Variants in MALAT1 observed in about 807,000 individuals in gnomAD.
MALAT1 encodes hepcarcin.
intron 1 of MALAT1, chr11:65,498,332 G>T (rs762904206): frequency 3.9e-6 from 2 of 517,848 alleles, no homozygotes; most frequent in South Asian, 1.4e-5. Flanking sequence ...CGTGCGGGCC[G>T]TGGGGGGCTG....
Position 65,500,827 on chromosome 11 carries a change from T to G in MALAT1, n.2090T>G, listed in dbSNP as rs1327737729. 4 of 518,838 alleles carry G rather than the reference T, an allele frequency of 7.7e-6. No individual in the cohort carries two copies. The East Asian group carries it at 2.2e-4, about 28-fold the overall frequency. 32.1% of individuals were successfully genotyped at this position (518,838 alleles called of 1,614,324 possible). ...GAACTTACTTATGGTAACCTTTTAT[T>G]TATTTTCTAATATAATGGGGGAGTT... is the stretch of plus-strand genomic sequence containing the variant. On this transcript the variant is annotated non_coding_transcript_exon_variant, in exon 3 of 4. Transcript: ENST00000619449.
At chr11:65,501,551 G>C (rs1457740644) in exon 3 of MALAT1, 2 of 518,698 alleles carry the variant, frequency 3.9e-6, no homozygotes, top group South Asian at 2.8e-5. Context: ...AGGGAAGAGA[G>C]AGGGTGGGGG....
At chr11:65,502,607 A>G in exon 3 of MALAT1, 1 of 477,866 alleles carries the variant, frequency 2.1e-6, no homozygotes. Flanking sequence ...TTTGTTGATG[A>G]GGGAGGGGAA....
exon 3 of MALAT1, chr11:65,499,835 T>A (rs1340571568): frequency 2.4e-6 from 1 of 420,518 alleles, no homozygotes; most frequent in South Asian, 1.8e-5. Flanking sequence ...ATGTACAAAC[T>A]TAGAAGAAAA....
At chr11:65,502,301 A>G (rs781393576) in exon 3 of MALAT1, 3 of 517,010 alleles carry the variant, frequency 5.8e-6, no homozygotes, top group Admixed American at 3.9e-5. Flanking sequence ...TGATTTAATA[A>G]TAATTTAAAA....
chr11:65,500,789 T>C (rs1223666441), exon 3 of MALAT1: 2 of 518,864 alleles, frequency 3.9e-6, no homozygotes, highest in East Asian at 5.4e-5. Context: ...GTCGGCAATA[T>C]GTTGTTTTTC....
exon 3 of MALAT1, chr11:65,498,985 G>C (rs767057594): frequency 5.8e-6 from 3 of 518,778 alleles, no homozygotes; most frequent in Non-Finnish European, 1.2e-5. Context: ...GAAGGTGATC[G>C]AATTCCGGTG....
At chr11:65,499,036 C>G (rs1400139248) in exon 3 of MALAT1, 2 of 518,558 alleles carry the variant, frequency 3.9e-6, no homozygotes, top group African/African-American at 1.9e-5. Context: ...CTCGCCCGAG[C>G]TGTGCGGTAG....
exon 3 of MALAT1, chr11:65,503,666 T>C (rs749457294): frequency 1.9e-6 from 1 of 514,270 alleles, no homozygotes; most frequent in Non-Finnish European, 3.9e-6. Context: ...TTAAATAAAA[T>C]AGTGTTTGTC....
chr11:65,504,960 C>T (rs781588128), intron 3 of MALAT1: 8 of 518,666 alleles, frequency 1.5e-5, no homozygotes, highest in African/African-American at 9.6e-5. Flanking sequence ...AGATGGTATT[C>T]TTCAGACTAT....
chr11:65,503,136 CAGAAGA>C (rs1854593012), exon 3 of MALAT1: 1 of 508,264 alleles, frequency 2.0e-6, no homozygotes, highest in Non-Finnish European at 3.9e-6. Flanking sequence ...TCTTCGTTAT[CAGAAGA>C]GTTGCTTCAT....
chr11:65,503,444 G>GATCA (rs1854601009), exon 3 of MALAT1: 2 of 517,390 alleles, frequency 3.9e-6, no homozygotes, highest in African/African-American at 3.9e-5. Flanking sequence ...CCTCTAAAGT[G>GATCA]ATCAGTGCCT....
intron 3 of MALAT1, chr11:65,504,044 T>G (rs1258133119): frequency 1.9e-6 from 1 of 518,018 alleles, no homozygotes; most frequent in Non-Finnish European, 3.9e-6. Flanking sequence ...GCTTACAATC[T>G]TAGAGTGGTA....
At chr11:65,499,495 AAAG>A (rs980052854) in exon 3 of MALAT1, 2 of 465,124 alleles carry the variant, frequency 4.3e-6, no homozygotes, top group African/African-American at 4.0e-5. Context: ...GATCTTTTAA[AAAG>A]AGATTAAACC....
chr11:65,500,630 G>A (rs759750484), exon 3 of MALAT1: 1 of 518,832 alleles, frequency 1.9e-6, no homozygotes, highest in African/African-American at 1.9e-5. Context: ...AGGAAGGAGC[G>A]AGTGCAATTT....
At chr11:65,503,592 ATCAT>A (rs773990867) in exon 3 of MALAT1, 21 of 510,088 alleles carry the variant, frequency 4.1e-5, no homozygotes, top group Admixed American at 3.0e-4. Context: ...AAACCATTAA[ATCAT>A]TCAAAATAAT....
exon 3 of MALAT1, chr11:65,499,686 A>G (rs1854494929): frequency 2.3e-6 from 1 of 433,138 alleles, no homozygotes; most frequent in Non-Finnish European, 4.5e-6. Context: ...GAAGTACGGG[A>G]AGGCGAAGAA....
exon 3 of MALAT1, chr11:65,502,062 G>C (rs1451984486): frequency 1.9e-6 from 1 of 517,418 alleles, no homozygotes; most frequent in Non-Finnish European, 3.9e-6. Context: ...GAAGCTGGGG[G>C]AAGTTAAATA....
exon 3 of MALAT1, chr11:65,500,712 A>C (rs771885426): frequency 3.9e-5 from 20 of 518,864 alleles, no homozygotes; most frequent in Non-Finnish European, 6.5e-5. Flanking sequence ...TGCGTAGAGG[A>C]TCCTAGACCA....
Sources: allele counts gnomAD v4.1 joint callset, GRCh38; gene constraint gnomAD v4.1.1; transcripts MANE v1.5; gene names NCBI Gene and HGNC (gene_info 2026-07-23, HGNC 2026-07-21).